The following BRSK2 variants were observed in gnomAD, a reference collection of about 807,000 sequenced individuals.
BRSK2 encodes BR serine/threonine kinase 2.
BRSK2 carries 19 observed loss-of-function variants against 83.3 expected under a neutral mutation model. That is an observed-to-expected ratio of 0.23 (90% CI 0.16 to 0.33). BRSK2 has a LOEUF of 0.33. Ranked by LOEUF, BRSK2 falls within the 10% of genes least tolerant of loss-of-function variation. The pLI is 1.00. For synonymous variants in BRSK2, 519 were observed against 435.4 expected (o/e 1.19, Z -2.39); for missense variants, 798 against 1,042.3 (o/e 0.77, Z 3.23).
intron 1 of BRSK2, among the ~76,000 whole-genome samples, chr11:1,412,000 G>T (rs1402683388): frequency 1.4e-5 from 2 of 146,022 alleles, no homozygotes; most frequent in Non-Finnish European, 3.0e-5. Context: ...CCGTCCTGCG[G>T]TGGGTGGAGT....
intron 5 of BRSK2, 59 bp downstream of exon 5, chr11:1,442,665 A>G: frequency 7.0e-7 from 1 of 1,427,916 alleles, no homozygotes; most frequent in Non-Finnish European, 9.8e-7. Flanking sequence ...GGGGAAGAGG[A>G]GCCAGTGGAC....
intron 12 of BRSK2, among the ~76,000 whole-genome samples, chr11:1,446,290 G>A (rs1307487358): frequency 4.7e-5 from 7 of 149,946 alleles, no homozygotes; most frequent in Admixed American, 3.9e-4. Flanking sequence ...GGGCTGGGCT[G>A]AGCTGGGCTG....
intron 1 of BRSK2, among the ~76,000 whole-genome samples, chr11:1,408,502 C>T (rs1405502519): frequency 6.6e-6 from 1 of 152,166 alleles, no homozygotes; most frequent in Non-Finnish European, 1.5e-5. Context: ...TGTGCCACGT[C>T]CCCCCATCTT....
Position 1,458,983 on chromosome 11 carries a change from C to T in BRSK2, c.1940-209C>T, listed in dbSNP as rs564682050. On this transcript the variant is annotated intron_variant, in intron 18 of 19. Transcript: ENST00000528841. ...GCCTTGTTCCCTGCCTCCGCAGCCCCGCCTCACTCCAGGCCCTGCCCCTGC... is the reference window on the plus strand; with the variant it reads ...GCCTTGTTCCCTGCCTCCGCAGCCCTGCCTCACTCCAGGCCCTGCCCCTGC... 8.5e-5 allele frequency among the ~76,000 whole-genome samples: 13 copies of T among 152,274 alleles called. No individual in the cohort carries two copies. The East Asian group carries it at 1.4e-3, about 16-fold the overall frequency.
intron 19 of BRSK2, among the ~76,000 whole-genome samples, chr11:1,460,170 C>T (rs938131351): frequency 3.9e-5 from 6 of 152,160 alleles, no homozygotes; most frequent in Non-Finnish European, 8.8e-5. Flanking sequence ...CCGAGCCTCG[C>T]TTCGCCAAAG....
intron 1 of BRSK2, among the ~76,000 whole-genome samples, chr11:1,412,655 A>T (rs1847649015): frequency 6.6e-6 from 1 of 152,208 alleles, no homozygotes; most frequent in South Asian, 2.1e-4. Context: ...GGGGCCCAGC[A>T]GAGCTGAGGT....
chr11:1,421,405 C>T (rs896839443), intron 1 of BRSK2, among the ~76,000 whole-genome samples: 1 of 152,146 alleles, frequency 6.6e-6, no homozygotes, highest in Non-Finnish European at 1.5e-5. Flanking sequence ...CTTCCTCCTC[C>T]ACAATCTGGT....
rs1411684115 is a variant in BRSK2, at chr11:1,443,337, G to A, written c.567G>A (p.Gly189=). ...PHYACPEVIR[G]EKYDGRKADV... Reference sequence around the variant, plus strand: ...AGCCCGGGCACTGCTGTCCACAGGGGGAGAAGTATGACGGCCGGAAGGCGG... The same window carrying A: ...AGCCCGGGCACTGCTGTCCACAGGGAGAGAAGTATGACGGCCGGAAGGCGG... The change falls in exon 7 of 20, where the codon GGG becomes GGA. Residue 189 remains glycine, a splice_region_variant and synonymous_variant. Transcript: ENST00000528841. 13 of 1,607,128 alleles carry A rather than the reference G, an allele frequency of 8.1e-6. 1 individual carries two copies. The highest frequency in any genetic ancestry group is 6.7e-5 in the African/African-American group (5 of 74,818).
rs148891571 is a variant in BRSK2, at chr11:1,391,380, G to A, written c.91+1005G>A. 9.0e-3 allele frequency among the ~76,000 whole-genome samples: 1,364 copies of A among 152,358 alleles called. 20 individuals are homozygous for A. Among genetic ancestry groups the A allele is most frequent in the African/African-American group, 0.031 (1,282 of 41,574 alleles). On this transcript the variant is annotated intron_variant, in intron 1 of 19. Coordinates refer to ENST00000528841, the MANE Select transcript of BRSK2 (RefSeq NM_001256627.2). ...TGGAGGGAAGGAGGAGGAGAGCGCT[G>A]GTGCAGGGTGGAGGCTCAGCCCCTC...
rs776128207 is a variant in BRSK2 at position 1,450,736 on chromosome 11, C to T, written c.1437C>T (p.Leu479=). The T allele has an allele frequency of 1.6e-5, 25 of 1,599,442 alleles. No homozygotes were observed. In the Admixed American group the frequency reaches 3.8e-4, roughly 24 times the overall value. The change falls in exon 14 of 20, where the codon CTC becomes CTT. Residue 479 remains leucine (L), a synonymous_variant. Coordinates refer to ENST00000528841, the MANE Select transcript of BRSK2 (RefSeq NM_001256627.2). ...GAGGGGTGCCCTGGAGGGCGCGGCTCAACTCCATCAAGAACAGCTTTCTGG... is the reference window on the plus strand; with the variant it reads ...GAGGGGTGCCCTGGAGGGCGCGGCTTAACTCCATCAAGAACAGCTTTCTGG... The part of the protein sequence containing the change: ...SVGGVPWRAR[L]NSIKNSFLGS...
chr11:1,445,581 GAGA>G lies in BRSK2; in HGVS notation c.992_994del (p.Lys331del), dbSNP rs1851930177. 6.3e-7 allele frequency: 1 copy of G among 1,576,246 alleles called. No individual in the cohort carries two copies. The highest frequency in any genetic ancestry group is 8.6e-7 in the Non-Finnish European group (1 of 1,161,242). ...TCTCGCCCGCTGTAGGGAGAACCAG[GAGA>G]AGATGATTTACTTCCTCCTCCTGGA... On this transcript the variant is annotated inframe_deletion, in exon 11 of 20. Transcript: ENST00000528841.
At position 1,423,258 on chromosome 11, in the gene BRSK2, A is replaced by T. The variant is rs537152236; in HGVS notation, c.92-12782A>T. 6.6e-6 allele frequency among the ~76,000 whole-genome samples: 1 copy of T among 152,142 alleles called. No homozygotes were observed. The highest frequency in any genetic ancestry group is 1.9e-4 in the East Asian group (1 of 5,162). On this transcript the variant is annotated intron_variant, in intron 1 of 19. Coordinates refer to ENST00000528841, the MANE Select transcript of BRSK2 (RefSeq NM_001256627.2). This position sits in a 1 kb window ranked among gnomAD's most constrained non-coding sequence, Gnocchi z 6.5. ...GGTCGTGGCCGTCCAGGCTTCAGAA[A>T]CGGCAGAACCAGGGACCCTCCCCAC...
At chr11:1,449,937 G>C in intron 13 of BRSK2, 101 bp downstream of exon 13, 1 of 797,176 alleles carries the variant, frequency 1.3e-6, no homozygotes. Flanking sequence ...ACCCTGGGAA[G>C]CAGCCCCAGG....
chr11:1,452,702 ACAG>A (rs1356553875), intron 15 of BRSK2, among the ~76,000 whole-genome samples: 3 of 151,178 alleles, frequency 2.0e-5, no homozygotes, highest in African/African-American at 7.3e-5. Flanking sequence ...GATGCCTGCG[ACAG>A]CCGTTCCCGA....
chr11:1,426,392 G>A (rs898097242), intron 1 of BRSK2, among the ~76,000 whole-genome samples: 2 of 152,178 alleles, frequency 1.3e-5, no homozygotes, highest in African/African-American at 4.8e-5. Flanking sequence ...GGCCCCTCCA[G>A]GGGAAAGAAG....
chr11:1,406,586 G>A (rs908073825), intron 1 of BRSK2, among the ~76,000 whole-genome samples: 1 of 152,192 alleles, frequency 6.6e-6, no homozygotes, highest in Non-Finnish European at 1.5e-5. Flanking sequence ...ACAGGAGGGC[G>A]GGGGCCCAAA....
chr11:1,448,119 C>T (rs560684953), intron 12 of BRSK2, among the ~76,000 whole-genome samples: 61 of 152,294 alleles, frequency 4.0e-4, no homozygotes, highest in African/African-American at 1.3e-3. Context: ...GGCTAGAGCC[C>T]GGCGTGGCTG....
At chr11:1,437,387 C>T (rs952960482) in intron 2 of BRSK2, among the ~76,000 whole-genome samples, 21 of 152,214 alleles carry the variant, frequency 1.4e-4, no homozygotes, top group Admixed American at 1.2e-3. Flanking sequence ...AGGCCGTGGC[C>T]TCACTGGCCC....
chr11:1,393,481 A>AG (rs1478137607), intron 1 of BRSK2, among the ~76,000 whole-genome samples: 1 of 152,128 alleles, frequency 6.6e-6, no homozygotes, highest in Non-Finnish European at 1.5e-5. Flanking sequence ...TGGCCGCGAT[A>AG]GGGCTCCCTG....
Sources: gnomAD v4.1 joint callset for allele counts (sites outside exome capture counted in the v4.1 genomes callset) on GRCh38, gnomAD v4.1.1 for gene constraint, Gnocchi (gnomAD v3.1) non-coding constraint, MANE v1.5 for transcripts, NCBI Gene and HGNC (gene_info 2026-07-23, HGNC 2026-07-21) for gene names.